Variants in FOXP1 observed in about 807,000 individuals in gnomAD.
FOXP1 encodes forkhead box P1.
FOXP1 carries 15 observed loss-of-function variants against 98.2 expected under a neutral mutation model. The observed-to-expected ratio is 0.15, with a 90% CI of 0.10 to 0.24. The LOEUF (loss-of-function observed/expected upper bound fraction) is 0.24. FOXP1 is among the 10% of genes least tolerant of loss of function. The probability of loss-of-function intolerance (pLI) is 1.00; values close to 1 mark genes in which losing one functional copy is unlikely to be tolerated. For synonymous variants in FOXP1, 371 were observed against 314.5 expected (o/e 1.18, Z -1.90); for missense variants, 633 against 848.5 (o/e 0.75, Z 3.15).
At chr3:71,523,253 G>T (rs1241326185) in intron 2 of FOXP1, among the ~76,000 whole-genome samples, 1 of 152,220 alleles carries the variant, frequency 6.6e-6, no homozygotes, top group Non-Finnish European at 1.5e-5. Context: ...CTTTCTGAAA[G>T]AGTCCACTCT....
At chr3:71,240,670 T>C (rs2067188458) in intron 5 of FOXP1, among the ~76,000 whole-genome samples, 1 of 151,772 alleles carries the variant, frequency 6.6e-6, no homozygotes, top group South Asian at 2.1e-4. Flanking sequence ...AGGTCCCGAG[T>C]AGCTGGGATT....
Position 71,322,536 on chromosome 3 carries a change from T to C in FOXP1, c.-72-22656A>G, listed in dbSNP as rs1242383316. 3.3e-5 allele frequency among the ~76,000 whole-genome samples: 5 copies of C among 152,184 alleles called. No homozygotes were observed. In the South Asian group the frequency reaches 8.3e-4, roughly 25 times the overall value. ...GAGGTTTTCTCATGGAGCCAGTACC[T>C]TTGAAGGATGGTAGGCTTCATTTTT... is the stretch of plus-strand genomic sequence containing the variant. On this transcript the variant is annotated intron_variant, in intron 4 of 20. Coordinates refer to ENST00000649528, the MANE Select transcript of FOXP1 (RefSeq NM_001349338.3).
intron 6 of FOXP1, among the ~76,000 whole-genome samples, chr3:71,114,695 G>A (rs757925263): frequency 1.3e-5 from 2 of 152,204 alleles, no homozygotes; most frequent in Non-Finnish European, 2.9e-5. Context: ...TAGTTCATCT[G>A]TGAAGGGAGA....
At chr3:71,557,197 G>A (rs2046205539) in intron 2 of FOXP1, among the ~76,000 whole-genome samples, 2 of 152,040 alleles carry the variant, frequency 1.3e-5, no homozygotes, top group Admixed American at 1.3e-4. Flanking sequence ...TATCATACAG[G>A]TATCTTTCTG....
chr3:71,114,040 G>A (rs998073002), intron 6 of FOXP1, among the ~76,000 whole-genome samples: 1 of 152,170 alleles, frequency 6.6e-6, no homozygotes, highest in African/African-American at 2.4e-5. Context: ...GACACAAAAT[G>A]AGACTTCTTA....
chr3:71,422,042 C>T lies in FOXP1; in HGVS notation c.-167-62798G>A, dbSNP rs527655639. Among the ~76,000 whole-genome samples, 9 of 152,264 alleles carry T rather than the reference C, an allele frequency of 5.9e-5. No individual in the cohort carries two copies. In the South Asian group the frequency reaches 1.0e-3, roughly 18 times the overall value. On this transcript the variant is annotated intron_variant, in intron 3 of 20. Coordinates refer to ENST00000649528, the MANE Select transcript of FOXP1 (RefSeq NM_001349338.3). ...TTTTTAAGACAGTCTGCAGTCACCC[C>T]GCAATTGGGATGCTGAACATCTTTT...
chr3:71,259,760 C>T (rs1425291215), intron 5 of FOXP1, among the ~76,000 whole-genome samples: 1 of 152,222 alleles, frequency 6.6e-6, no homozygotes, highest in African/African-American at 2.4e-5. Flanking sequence ...TCACTTAGAA[C>T]AGCATATTAA....
intron 7 of FOXP1, among the ~76,000 whole-genome samples, chr3:71,069,728 T>G (rs1013832291): frequency 6.6e-6 from 1 of 152,190 alleles, no homozygotes; most frequent in African/African-American, 2.4e-5. Context: ...CCCTCGATTT[T>G]TAAGCATAAC....
chr3:71,470,549 G>A (rs2089238592), intron 3 of FOXP1, among the ~76,000 whole-genome samples: 1 of 152,074 alleles, frequency 6.6e-6, no homozygotes, highest in African/African-American at 2.4e-5. Context: ...AGACCAGTCT[G>A]GGCAACATGG....
At chr3:71,279,927 T>C (rs1031574786) in intron 5 of FOXP1, among the ~76,000 whole-genome samples, 3 of 151,898 alleles carry the variant, frequency 2.0e-5, no homozygotes, top group Non-Finnish European at 4.4e-5. Context: ...ATCGAGACTA[T>C]CCTGGCTAAC....
chr3:71,315,079 T>TAAAAAAAAAAAAAA (rs11355298), intron 4 of FOXP1, among the ~76,000 whole-genome samples: 34 of 70,670 alleles, frequency 4.8e-4, no homozygotes, highest in East Asian at 1.3e-3. Context: ...CTGGTCCATG[T>TAAAAAAAAAAAAAA]AAAAAAAAAA....
At chr3:71,493,783 T>G (rs2091225374) in intron 2 of FOXP1, among the ~76,000 whole-genome samples, 1 of 152,234 alleles carries the variant, frequency 6.6e-6, no homozygotes, top group Admixed American at 6.5e-5. Flanking sequence ...AAAGTTGTTA[T>G]TTATTATGGG....
chr3:71,392,657 T>C (rs1244550119), intron 3 of FOXP1, among the ~76,000 whole-genome samples: 1 of 152,240 alleles, frequency 6.6e-6, no homozygotes, highest in East Asian at 1.9e-4. Context: ...GGAAATTTCA[T>C]GGGCATCTAT....
chr3:71,145,908 A>G (rs2060287220), intron 6 of FOXP1, among the ~76,000 whole-genome samples: 1 of 152,228 alleles, frequency 6.6e-6, no homozygotes, highest in Admixed American at 6.5e-5. Flanking sequence ...TGCTGGAGAA[A>G]TGATTTTAAA....
chr3:71,217,921 A>G (rs996634312), intron 5 of FOXP1, among the ~76,000 whole-genome samples: 4 of 151,960 alleles, frequency 2.6e-5, no homozygotes, highest in African/African-American at 9.7e-5. Context: ...CATCTTCTCA[A>G]CCTCGAGTGT....
chr3:71,283,474 G>A (rs1022625643), intron 5 of FOXP1, among the ~76,000 whole-genome samples: 20 of 152,210 alleles, frequency 1.3e-4, no homozygotes, highest in African/African-American at 4.6e-4. Context: ...ATGGGGAGAA[G>A]CTTCTTGGGC....
chr3:71,543,293 T>G (rs539162316), intron 2 of FOXP1: 1 of 152,276 alleles, frequency 6.6e-6, no homozygotes, highest in East Asian at 1.9e-4. Flanking sequence ...CATGACTGAA[T>G]AATAATTTGG....
chr3:71,450,154 G>A (rs1005360989), intron 3 of FOXP1, among the ~76,000 whole-genome samples: 4 of 152,134 alleles, frequency 2.6e-5, no homozygotes, highest in Admixed American at 1.3e-4. Context: ...TCACACCTGC[G>A]TATTAGAGTC....
At chr3:71,572,362 A>C (rs1163052563) in intron 2 of FOXP1, 1 of 152,238 alleles carries the variant, frequency 6.6e-6, no homozygotes, top group Non-Finnish European at 1.5e-5. Context: ...TATGAATCTG[A>C]AATTTTCAAT....
Sources: gnomAD v4.1 joint callset for allele counts (sites outside exome capture counted in the v4.1 genomes callset) on GRCh38, gnomAD v4.1.1 for gene constraint, MANE v1.5 for transcripts, NCBI Gene and HGNC (gene_info 2026-07-23, HGNC 2026-07-21) for gene names.